AHCTF1: variants seen among roughly 807,000 people sequenced by gnomAD.
AHCTF1 encodes protein ELYS.
In AHCTF1, 24 loss-of-function variants were observed where a neutral mutation model predicts 248.4. That is an observed-to-expected ratio of 0.10 (90% CI 0.07 to 0.14). The LOEUF is 0.14. Among genes scored for constraint, AHCTF1 ranks in the 10% least tolerant of loss-of-function variants. The pLI is 1.00. For synonymous variants in AHCTF1, 786 were observed against 929.8 expected (o/e 0.85, Z 2.81); for missense variants, 2,206 against 2,636.2 (o/e 0.84, Z 3.57).
At chr1:246,881,714 T>C (rs1305209164) in intron 21 of AHCTF1, among the ~76,000 whole-genome samples, 1 of 151,608 alleles carries the variant, frequency 6.6e-6, no homozygotes, top group Non-Finnish European at 1.5e-5. Flanking sequence ...GGCGGGCACC[T>C]GTAATCCCAG....
In AHCTF1 at chr1:246,916,210, C is replaced by G; in HGVS notation, c.307G>C (p.Gly103Arg). Residue 103 changes from glycine to arginine, a missense_variant, in exon 3 of 36, where the codon GGG becomes CGG. This residue lies in a region of AHCTF1 where 34 missense variants were observed against 97.2 expected (regional missense o/e 0.35). Transcript: ENST00000648844. ...AGGTCATAAAGACAGAGAACACTCCCTTCTGTTTCTTCCAATCCTATTAAT... is the reference window on the plus strand; with the variant it reads ...AGGTCATAAAGACAGAGAACACTCCGTTCTGTTTCTTCCAATCCTATTAAT... ...GLLIGLEETE[G>R]SVLCLYDLGI... 6.2e-7 allele frequency: 1 copy of G among 1,604,192 alleles called. No individual in the cohort carries two copies. The highest frequency in any genetic ancestry group is 8.5e-7 in the Non-Finnish European group (1 of 1,173,966).
At chr1:246,929,849 C>T (rs1279066464) in intron 1 of AHCTF1, among the ~76,000 whole-genome samples, 3 of 152,194 alleles carry the variant, frequency 2.0e-5, no homozygotes, top group Admixed American at 6.5e-5. Context: ...GTCAGAAGTT[C>T]AAGACCAGCC....
intron 14 of AHCTF1, among the ~76,000 whole-genome samples, chr1:246,894,130 A>T (rs1664403064): frequency 6.6e-6 from 1 of 152,206 alleles, no homozygotes; most frequent in Non-Finnish European, 1.5e-5. Flanking sequence ...CTTGGGCTCA[A>T]AAAGTCAAGG....
chr1:246,927,771 G>A (rs74407469), intron 1 of AHCTF1, among the ~76,000 whole-genome samples: 4,744 of 152,306 alleles, frequency 0.031, 267 homozygotes, highest in African/African-American at 0.11. Flanking sequence ...TTGGGAGGCC[G>A]AGGCTGGCGG....
At chr1:246,925,032 A>ATG in intron 1 of AHCTF1, among the ~76,000 whole-genome samples, 1 of 152,214 alleles carries the variant, frequency 6.6e-6, no homozygotes, top group Non-Finnish European at 1.5e-5. Flanking sequence ...GGAAAAGGCC[A>ATG]GAATCACATT....
chr1:246,874,714 T>C (rs1356062949), intron 24 of AHCTF1, among the ~76,000 whole-genome samples: 1 of 152,108 alleles, frequency 6.6e-6, no homozygotes, highest in Non-Finnish European at 1.5e-5. Flanking sequence ...TACCAGCCAT[T>C]ACAACCTATC....
chr1:246,859,349 G>A (rs1011961861), intron 29 of AHCTF1, among the ~76,000 whole-genome samples: 1 of 152,094 alleles, frequency 6.6e-6, no homozygotes, highest in Non-Finnish European at 1.5e-5. Flanking sequence ...ACCAATTCTA[G>A]GTGAAGTCTC....
At position 246,840,964 on chromosome 1, in the gene AHCTF1, G is replaced by A. The variant is rs780896259; in HGVS notation, c.6643C>T (p.Pro2215Ser). 1.2e-6 allele frequency: 2 copies of A among 1,610,874 alleles called. No individual in the cohort carries two copies. ...GGGGAAATCAGCCGAATTTCTATGG[G>A]AGGAGGTGACCAAGCACTTTCTTTT... Reference protein sequence around the residue: ...TEKESAWSPPPIEIRLISPLA... With the variant: ...TEKESAWSPPSIEIRLISPLA... The change falls in exon 36 of 36, where the codon CCC becomes TCC. Residue 2215 changes from proline (P) to serine (S), a missense_variant. Pro to Ser is a moderately conservative substitution (Grantham distance 74). Coordinates refer to ENST00000648844, the MANE Select transcript of AHCTF1 (RefSeq NM_001323342.2).
intron 3 of AHCTF1, 152 bp downstream of exon 3, chr1:246,915,990 A>G (rs891723788): frequency 4.5e-5 from 41 of 909,488 alleles, no homozygotes; most frequent in Non-Finnish European, 6.4e-5. Context: ...TTTTTATTCT[A>G]AACACTTTAC....
intron 29 of AHCTF1, among the ~76,000 whole-genome samples, chr1:246,860,195 G>T (rs1268664684): frequency 6.6e-6 from 1 of 150,768 alleles, no homozygotes; most frequent in Non-Finnish European, 1.5e-5. Flanking sequence ...GGTTGGGGGG[G>T]GGGCGGAGGT....
At chr1:246,884,370 G>A (rs1474707338) in intron 21 of AHCTF1, among the ~76,000 whole-genome samples, 1 of 152,040 alleles carries the variant, frequency 6.6e-6, no homozygotes, top group East Asian at 1.9e-4. Context: ...CCTCTTATCC[G>A]TAGAAGTACA....
Position 246,839,477 on chromosome 1 carries a change from T to G in AHCTF1, c.*1329A>C, listed in dbSNP as rs1407048155. On this transcript the variant is annotated 3_prime_UTR_variant, in exon 36 of 36. Transcript: ENST00000648844. ...TTGATAACTATCATTAAAAAAGTAA[T>G]AAAATCAAAGTCAGTGAAATTTTCA... is the stretch of plus-strand genomic sequence containing the variant. The G allele has an allele frequency of 1.1e-6, 1 of 946,452 alleles. No homozygotes were observed. Among genetic ancestry groups the G allele is most frequent in the East Asian group, 1.2e-4 (1 of 8,668 alleles). 58.6% of individuals were successfully genotyped at this position (946,452 alleles called of 1,614,324 possible).
chr1:246,911,880 T>G (rs543347732), intron 4 of AHCTF1, among the ~76,000 whole-genome samples: 1 of 152,180 alleles, frequency 6.6e-6, no homozygotes, highest in African/African-American at 2.4e-5. Context: ...TTTGTTCAGA[T>G]GATTTTGGCT....
intron 1 of AHCTF1, among the ~76,000 whole-genome samples, chr1:246,920,298 A>C (rs975895788): frequency 1.3e-5 from 2 of 152,168 alleles, no homozygotes; most frequent in African/African-American, 4.8e-5. Context: ...ATATTTGTGT[A>C]AATCAGCGAT....
Position 246,891,892 on chromosome 1 carries a change from T to C in AHCTF1, c.1832A>G (p.His611Arg). Residue 611 changes from histidine (H) to arginine (R), a missense_variant, in exon 15 of 36, where the codon CAT becomes CGT. Physicochemically the swap from His to Arg is conservative, Grantham distance 29. Transcript: ENST00000648844. ...LCVPLFDGSCHFMDPQTIQSI... is the reference protein window; with the variant it reads ...LCVPLFDGSCRFMDPQTIQSI... Reference sequence around the variant, plus strand: ...CTGTATAGTTTGTGGATCCATGAAATGACACGAACCATCAAATAATGGCAC... The same window carrying C: ...CTGTATAGTTTGTGGATCCATGAAACGACACGAACCATCAAATAATGGCAC... 1 of 1,596,550 alleles carries C rather than the reference T, an allele frequency of 6.3e-7. No homozygotes were observed. Among genetic ancestry groups the C allele is most frequent in the Non-Finnish European group, 8.5e-7 (1 of 1,175,162 alleles).
At chr1:246,904,944 A>G (rs1054806678) in intron 6 of AHCTF1, among the ~76,000 whole-genome samples, 2 of 152,218 alleles carry the variant, frequency 1.3e-5, no homozygotes, top group African/African-American at 4.8e-5. Flanking sequence ...AGAATAAGAG[A>G]GCAGGGTACT....
intron 14 of AHCTF1, among the ~76,000 whole-genome samples, chr1:246,893,998 G>A (rs1444500983): frequency 6.6e-6 from 1 of 152,114 alleles, no homozygotes; most frequent in Non-Finnish European, 1.5e-5. Flanking sequence ...GAGGCCAGGA[G>A]TTCAAGACCA....
At chr1:246,922,764 C>CCT (rs1158589283) in intron 1 of AHCTF1, among the ~76,000 whole-genome samples, 12 of 150,758 alleles carry the variant, frequency 8.0e-5, no homozygotes, top group African/African-American at 2.7e-4. Flanking sequence ...GGGCGGATCA[C>CCT]GAGGTCAGGA....
rs1184194006 is a variant in AHCTF1, at chr1:246,840,540, A to C, written c.*266T>G. ...CTTTCAAAAATCCAAGACACAAACG[A>C]CTGTGAAGTATACATTTTATTTAAC... On this transcript the variant is annotated 3_prime_UTR_variant, in exon 36 of 36. Coordinates refer to ENST00000648844, the MANE Select transcript of AHCTF1 (RefSeq NM_001323342.2). 2 of 191,248 alleles carry C rather than the reference A, an allele frequency of 1.0e-5. No individual in the cohort carries two copies. Among genetic ancestry groups the C allele is most frequent in the East Asian group, 2.5e-4 (2 of 7,870 alleles). The allele number at this position is 191,248 out of a possible 1,614,324, so 11.8% of individuals were successfully genotyped here. A position where few individuals can be genotyped will look rare whatever the true frequency, so the allele number is the denominator to read the frequency against.
Sources: gnomAD v4.1 joint callset for allele counts (sites outside exome capture counted in the v4.1 genomes callset) on GRCh38, gnomAD v4.1.1 for gene constraint, gnomAD v4.1.1 regional missense constraint, MANE v1.5 for transcripts, NCBI Gene and HGNC (gene_info 2026-07-23, HGNC 2026-07-21) for gene names.